The following FBXL5 variants were observed in gnomAD, a reference collection of about 807,000 sequenced individuals.
The protein encoded by FBXL5 is F-box and leucine rich repeat protein 5, also known as F-box/LRR-repeat protein 5.
FBXL5 carries 26 observed loss-of-function variants against 78.3 expected under a neutral mutation model. That is an observed-to-expected ratio of 0.33 (90% CI 0.24 to 0.46). The LOEUF is 0.46. Among genes scored for constraint, FBXL5 ranks in the 20% least tolerant of loss-of-function variants. FBXL5 has a pLI of 1.00. For missense variants in FBXL5, 710 were observed against 829.2 expected (o/e 0.86, Z 1.77); for synonymous variants, 295 against 282.5 (o/e 1.04, Z -0.45).
intron 1 of FBXL5, among the ~76,000 whole-genome samples, chr4:15,668,146 CTT>C (rs1223254433): frequency 2.6e-5 from 4 of 150,964 alleles, no homozygotes; most frequent in African/African-American, 7.3e-5. Context: ...TTATTTGTGA[CTT>C]AATGTGTGAA....
At chr4:15,615,638 A>G (rs1011467610) in intron 9 of FBXL5, among the ~76,000 whole-genome samples, 2 of 148,312 alleles carry the variant, frequency 1.3e-5, no homozygotes, top group African/African-American at 2.5e-5. Context: ...GAATGCACCA[A>G]TCGACACTCT....
intron 1 of FBXL5, among the ~76,000 whole-genome samples, chr4:15,650,436 C>T (rs1047663683): frequency 1.3e-5 from 2 of 151,978 alleles, no homozygotes; most frequent in Middle Eastern, 3.2e-3. Flanking sequence ...AATGCTGTTT[C>T]GGACCCACAA....
At chr4:15,670,327 C>T (rs951106448) in intron 1 of FBXL5, among the ~76,000 whole-genome samples, 2 of 152,188 alleles carry the variant, frequency 1.3e-5, no homozygotes, top group South Asian at 4.1e-4. Flanking sequence ...TTTAACTTTA[C>T]AGGAAACAGT....
chr4:15,612,489 C>G (rs1054190967), intron 9 of FBXL5, 75 bp from the exon 10 acceptor site: 1 of 1,311,474 alleles, frequency 7.6e-7, no homozygotes, highest in African/African-American at 1.7e-5. Context: ...TTCACTGAAC[C>G]ACTATTTTAC....
At position 15,613,347 on chromosome 4, in the gene FBXL5, G is replaced by A. The variant is rs527299791; in HGVS notation, c.1851-933C>T. Among the ~76,000 whole-genome samples, 3 of 152,082 alleles carry A rather than the reference G, an allele frequency of 2.0e-5. No individual in the cohort carries two copies. The South Asian group carries it at 6.2e-4, about 32-fold the overall frequency. ...ACTTTTAAAAAGCAGTAAATTTTAT[G>A]GTATGTTAATTACATTTCAATAAAA... On this transcript the variant is annotated intron_variant, in intron 9 of 10. Coordinates refer to ENST00000341285, the MANE Select transcript of FBXL5 (RefSeq NM_012161.4).
At chr4:15,642,552 A>G (rs532827472) in intron 2 of FBXL5, among the ~76,000 whole-genome samples, 70 of 152,136 alleles carry the variant, frequency 4.6e-4, no homozygotes, top group Non-Finnish European at 7.6e-4. Context: ...AACTTTTAAA[A>G]TATGAAAATA....
chr4:15,674,210 T>G (rs995635231), intron 1 of FBXL5, among the ~76,000 whole-genome samples: 14 of 152,018 alleles, frequency 9.2e-5, no homozygotes, highest in African/African-American at 2.9e-4. Context: ...TCGTGTTTTT[T>G]TTTTTTTTTT....
upstream of FBXL5, among the ~76,000 whole-genome samples, chr4:15,664,465 C>T (rs977114911): frequency 6.6e-6 from 1 of 151,130 alleles, no homozygotes; most frequent in Non-Finnish European, 1.5e-5. Context: ...GTACCTAGTA[C>T]AGTACCTCAC....
At chr4:15,659,531 G>A (rs922861672), upstream of FBXL5, among the ~76,000 whole-genome samples, 2 of 152,120 alleles carry the variant, frequency 1.3e-5, no homozygotes, top group Non-Finnish European at 2.9e-5. Context: ...CGCAAACTAC[G>A]TTAACTGTCC....
chr4:15,642,796 T>C (rs377391896), intron 2 of FBXL5, among the ~76,000 whole-genome samples: 1 of 152,204 alleles, frequency 6.6e-6, no homozygotes, highest in Non-Finnish European at 1.5e-5. Flanking sequence ...TATTCATAAA[T>C]GCCCATCTGG....
At chr4:15,632,848 C>T (rs1338161311) in intron 5 of FBXL5, among the ~76,000 whole-genome samples, 1 of 152,118 alleles carries the variant, frequency 6.6e-6, no homozygotes, top group Admixed American at 6.5e-5. Context: ...ATGTCATCTG[C>T]AATCAGAGAC....
upstream of FBXL5, chr4:15,659,766 C>T: frequency 1.0e-6 from 1 of 983,736 alleles, no homozygotes; most frequent in Non-Finnish European, 1.2e-6. Context: ...GCCAAGTGAA[C>T]ACCAAAATCT....
intron 1 of FBXL5, among the ~76,000 whole-genome samples, chr4:15,675,572 ATTT>A (rs60660814): frequency 3.4e-3 from 326 of 96,638 alleles, no homozygotes; most frequent in African/African-American, 7.0e-3. Context: ...CAAAACTCCT[ATTT>A]TTTTTTTTTT....
chr4:15,677,267 TA>T, intron 1 of FBXL5, among the ~76,000 whole-genome samples: 1 of 152,326 alleles, frequency 6.6e-6, no homozygotes, highest in African/African-American at 2.4e-5. Flanking sequence ...TGTGGTATAA[TA>T]AAAAATATAT....
At chr4:15,673,181 C>T (rs562156981) in intron 1 of FBXL5, among the ~76,000 whole-genome samples, 2 of 152,260 alleles carry the variant, frequency 1.3e-5, no homozygotes, top group African/African-American at 4.8e-5. Flanking sequence ...ATGGCTCACA[C>T]CTGTAATAAG....
intron 1 of FBXL5, among the ~76,000 whole-genome samples, chr4:15,650,125 G>A (rs1014459454): frequency 4.6e-5 from 7 of 152,086 alleles, no homozygotes; most frequent in African/African-American, 9.7e-5. Flanking sequence ...TGTCACCACC[G>A]GAAATGTACT....
chr4:15,654,967 G>A (rs1716675843), intron 1 of FBXL5, among the ~76,000 whole-genome samples: 2 of 151,822 alleles, frequency 1.3e-5, no homozygotes, highest in African/African-American at 4.8e-5. Context: ...CCCTCGGCAG[G>A]GGACGCCGCC....
At chr4:15,644,250 C>T (rs1715159466) in intron 2 of FBXL5, among the ~76,000 whole-genome samples, 1 of 152,224 alleles carries the variant, frequency 6.6e-6, no homozygotes, top group Non-Finnish European at 1.5e-5. Context: ...CACTTTGCCC[C>T]TTGGATATAA....
intron 1 of FBXL5, among the ~76,000 whole-genome samples, chr4:15,665,230 C>T (rs941541819): frequency 2.6e-5 from 4 of 152,184 alleles, no homozygotes; most frequent in Non-Finnish European, 4.4e-5. Context: ...GTTCCAGTGG[C>T]GGGTTGTTTC....
Sources: gnomAD v4.1 joint callset for allele counts (sites outside exome capture counted in the v4.1 genomes callset) on GRCh38, gnomAD v4.1.1 for gene constraint, MANE v1.5 for transcripts, NCBI Gene and HGNC (gene_info 2026-07-23, HGNC 2026-07-21) for gene names.